The following PELP1 variants were observed in gnomAD, a reference collection of about 807,000 sequenced individuals.
The protein encoded by PELP1 is proline-, glutamic acid- and leucine-rich protein 1.
In PELP1, 32 loss-of-function variants were observed where a neutral mutation model predicts 95.5. The observed-to-expected ratio is 0.34, with a 90% confidence interval of 0.25 to 0.45. The LOEUF is 0.45. Ranked by LOEUF, PELP1 falls within the 20% of genes least tolerant of loss-of-function variation. The probability of loss-of-function intolerance (pLI) is 1.00; values close to 1 mark genes in which losing one functional copy is unlikely to be tolerated. For missense variants in PELP1, 1,358 were observed against 1,444.8 expected (o/e 0.94, Z 0.97); for synonymous variants, 668 against 600.1 (o/e 1.11, Z -1.65).
chr17:4,683,264 AG>A (rs1451662598), intron 3 of PELP1, among the ~76,000 whole-genome samples: 18 of 147,156 alleles, frequency 1.2e-4, no homozygotes, highest in Admixed American at 6.2e-4. Context: ...TCTGTCACCC[AG>A]GCTGGAGTGC....
In PELP1 at chr17:4,674,499, G is replaced by A; in HGVS notation, c.1582+11C>T. 6.2e-7 allele frequency: 1 copy of A among 1,610,668 alleles called. No homozygotes were observed. The highest frequency in any genetic ancestry group is 8.5e-7 in the Non-Finnish European group (1 of 1,178,634). On this transcript the variant is annotated intron_variant, in intron 13 of 16. Coordinates refer to ENST00000572293, the MANE Select transcript of PELP1 (RefSeq NM_014389.3). ...TGAGCCCCAGTGGTCCAGGGCACAG[G>A]CCTCACCCACCTCTGAGTGCAGCCG...
chr17:4,696,428 G>T (rs1372683182), intron 1 of PELP1, among the ~76,000 whole-genome samples: 1 of 152,224 alleles, frequency 6.6e-6, no homozygotes, highest in Admixed American at 6.5e-5. Flanking sequence ...ATGGAGAAAA[G>T]TGAGCAAGGT....
At chr17:4,683,829 CTTTTTTTTTTTT>C (rs994295435) in intron 3 of PELP1, among the ~76,000 whole-genome samples, 3 of 91,276 alleles carry the variant, frequency 3.3e-5, no homozygotes, top group African/African-American at 5.5e-5. Context: ...AGTGCCCAGC[CTTTTTTTTTTTT>C]TTTTTTTTTT....
At chr17:4,699,288 G>A (rs1400921929) in intron 1 of PELP1, among the ~76,000 whole-genome samples, 1 of 152,040 alleles carries the variant, frequency 6.6e-6, no homozygotes, top group Non-Finnish European at 1.5e-5. Context: ...GCTGAGACAG[G>A]AGAATGACGT....
Position 4,670,151 on chromosome 17 carries a change from A to T in PELP1, c.*1288T>A, listed in dbSNP as rs571076664. 10 of 152,318 alleles carry T rather than the reference A, an allele frequency of 6.6e-5. No individual in the cohort carries two copies. The highest frequency in any genetic ancestry group is 2.4e-4 in the African/African-American group (10 of 41,578). The allele number at this position is 152,318 out of a possible 1,614,324, so 9.4% of individuals were successfully genotyped here. A position where few individuals can be genotyped will look rare whatever the true frequency, so the allele number is the denominator to read the frequency against. ...TTCTGTTTATTTCGAAAACAAGTTGAGGGGTAACTTTTTAAAATCCTACTG... is the reference window on the plus strand; with the variant it reads ...TTCTGTTTATTTCGAAAACAAGTTGTGGGGTAACTTTTTAAAATCCTACTG... On this transcript the variant is annotated 3_prime_UTR_variant, in exon 17 of 17. Coordinates refer to ENST00000572293, the MANE Select transcript of PELP1 (RefSeq NM_014389.3).
At chr17:4,688,048 G>A (rs1023340861) in intron 3 of PELP1, among the ~76,000 whole-genome samples, 12 of 152,030 alleles carry the variant, frequency 7.9e-5, no homozygotes, top group African/African-American at 1.9e-4. Context: ...AATAAAGGGC[G>A]TCTAGGCCAG....
Position 4,673,297 on chromosome 17 carries a change from A to T in PELP1, c.1798T>A (p.Cys600Ser), listed in dbSNP as rs745872730. The change falls in exon 15 of 17, where the codon TGT (cysteine) becomes AGT (serine). Residue 600 changes from cysteine to serine, a missense_variant. Around this residue, in one of 7 missense-constraint regions of PELP1, gnomAD observed 538 missense variants for 628.1 expected, o/e 0.86. Transcript: ENST00000572293. This position sits in a 1 kb window ranked among gnomAD's most constrained non-coding sequence, Gnocchi z 5.7. ...PSPRCPPPLACALQAFSLGQR... is the reference protein window; with the variant it reads ...PSPRCPPPLASALQAFSLGQR... ...CCGAGGGAGAAGGCTTGCAGGGCAC[A>T]GGCAAGAGGAGGTGGGCAGCGAGGA... 34 of 1,583,370 alleles carry T rather than the reference A, an allele frequency of 2.1e-5. No individual in the cohort carries two copies. Among genetic ancestry groups the T allele is most frequent in the Non-Finnish European group, 2.9e-5 (34 of 1,164,688 alleles).
In PELP1 at chr17:4,675,680, A is replaced by G; in HGVS notation, c.1068+117T>C. The G allele has an allele frequency of 1.3e-6, 1 of 770,794 alleles. No homozygotes were observed. Among genetic ancestry groups the G allele is most frequent in the South Asian group, 1.5e-5 (1 of 67,886 alleles). 47.7% of individuals were successfully genotyped at this position (770,794 alleles called of 1,614,324 possible). A position where few individuals can be genotyped will look rare whatever the true frequency, so the allele number is the denominator to read the frequency against. On this transcript the variant is annotated intron_variant, in intron 9 of 16. Transcript: ENST00000572293. This position sits in a 1 kb window ranked among gnomAD's most constrained non-coding sequence, Gnocchi z 4.3. Reference sequence around the variant, plus strand: ...GTGATGTTATTTGGACAAAAGTAGGAAGCTCTCTGGGACGACTCCAGGATG... The same window carrying G: ...GTGATGTTATTTGGACAAAAGTAGGGAGCTCTCTGGGACGACTCCAGGATG...
At chr17:4,699,158 T>C (rs969645426) in intron 1 of PELP1, among the ~76,000 whole-genome samples, 1 of 152,080 alleles carries the variant, frequency 6.6e-6, no homozygotes, top group Admixed American at 6.5e-5. Context: ...GGCGGGCGGA[T>C]CACGAGGTCA....
intron 3 of PELP1, among the ~76,000 whole-genome samples, chr17:4,686,692 A>G (rs1015386315): frequency 6.6e-6 from 1 of 151,818 alleles, no homozygotes; most frequent in African/African-American, 2.4e-5. Context: ...TAATTTTTGT[A>G]TTTTTAGTAG....
chr17:4,670,988 A>G lies in PELP1; in HGVS notation c.*451T>C, dbSNP rs2053077572. ...TTTCCTAAACTTCCATAGACTGAGC[A>G]ATCACTCAGCCTGCCCTTTCAGACC... On this transcript the variant is annotated 3_prime_UTR_variant, in exon 17 of 17. Transcript: ENST00000572293. 5.6e-6 allele frequency: 1 copy of G among 179,550 alleles called. No homozygotes were observed. Among genetic ancestry groups the G allele is most frequent in the Admixed American group, 6.2e-5 (1 of 16,224 alleles). The allele number at this position is 179,550 out of a possible 1,614,324, so 11.1% of individuals were successfully genotyped here.
chr17:4,697,250 C>T (rs891312596), intron 1 of PELP1, among the ~76,000 whole-genome samples: 1 of 152,064 alleles, frequency 6.6e-6, no homozygotes, highest in Non-Finnish European at 1.5e-5. Flanking sequence ...GGGTGACTAA[C>T]GCCTATAATC....
chr17:4,673,235 G>C lies in PELP1; in HGVS notation c.1845+15C>G. On this transcript the variant is annotated intron_variant, in intron 15 of 16. Transcript: ENST00000572293. This position sits in a 1 kb window ranked among gnomAD's most constrained non-coding sequence, Gnocchi z 5.7. Reference sequence around the variant, plus strand: ...ACTCCAGGAACCAAAGAGGGGCTTGGCCCATCACAGTTACCTCAAGGCTAT... The same window carrying C: ...ACTCCAGGAACCAAAGAGGGGCTTGCCCCATCACAGTTACCTCAAGGCTAT... 1 of 1,559,024 alleles carries C rather than the reference G, an allele frequency of 6.4e-7. No homozygotes were observed. The highest frequency in any genetic ancestry group is 8.7e-7 in the Non-Finnish European group (1 of 1,149,818).
At chr17:4,690,640 C>T (rs556624044) in intron 3 of PELP1, among the ~76,000 whole-genome samples, 6 of 151,990 alleles carry the variant, frequency 3.9e-5, no homozygotes, top group African/African-American at 1.5e-4. Flanking sequence ...GAGAATCATT[C>T]GAACCCAAGA....
chr17:4,685,493 T>C (rs929612850), intron 3 of PELP1, among the ~76,000 whole-genome samples: 3 of 152,022 alleles, frequency 2.0e-5, no homozygotes, highest in Non-Finnish European at 4.4e-5. Flanking sequence ...CTCTTCCCCC[T>C]AGTAAAAGAT....
intron 5 of PELP1, among the ~76,000 whole-genome samples, chr17:4,679,366 C>T (rs980807964): frequency 6.6e-6 from 1 of 152,196 alleles, no homozygotes; most frequent in African/African-American, 2.4e-5. Flanking sequence ...TTAAGTTCAA[C>T]TGTCTGACAA....
intron 5 of PELP1, 56 bp from the exon 6 acceptor site, chr17:4,676,868 T>C: frequency 7.6e-7 from 1 of 1,321,208 alleles, no homozygotes; most frequent in Non-Finnish European, 1.1e-6. Context: ...GAGCCAGAGA[T>C]GTACATCCCA....
intron 3 of PELP1, among the ~76,000 whole-genome samples, chr17:4,690,425 A>G (rs1913058721): frequency 6.6e-6 from 1 of 152,108 alleles, no homozygotes; most frequent in South Asian, 2.1e-4. Flanking sequence ...CTACTGAAAT[A>G]AAAATATATA....
chr17:4,703,782 T>C lies in PELP1; in HGVS notation c.249+81A>G, dbSNP rs1913647129. On this transcript the variant is annotated intron_variant, in intron 1 of 16. Transcript: ENST00000572293. Reference sequence around the variant, plus strand: ...CCTTCCTTCAACCTCCCTATCGCACTTGCACTGCACCGTAATCCCGGCGCA... The same window carrying C: ...CCTTCCTTCAACCTCCCTATCGCACCTGCACTGCACCGTAATCCCGGCGCA... 4.7e-6 allele frequency: 6 copies of C among 1,270,384 alleles called. No homozygotes were observed. The East Asian group carries it at 1.5e-4, about 32-fold the overall frequency. The allele number at this position is 1,270,384 out of a possible 1,614,324, so 78.7% of individuals were successfully genotyped here.
Sources: allele counts gnomAD v4.1 joint callset (sites outside exome capture counted in the v4.1 genomes callset), GRCh38; gene constraint gnomAD v4.1.1; regional missense constraint gnomAD v4.1.1; non-coding constraint Gnocchi (gnomAD v3.1); transcripts MANE v1.5; gene names NCBI Gene and HGNC (gene_info 2026-07-23, HGNC 2026-07-21).